Variants in ATP8A2 observed in about 807,000 individuals in gnomAD.
ATP8A2 encodes the protein phospholipid-transporting ATPase IB.
ATP8A2 carries 100 observed loss-of-function variants against 165.6 expected under a neutral mutation model. That is an observed-to-expected ratio of 0.60 (90% CI 0.51 to 0.71). ATP8A2 has a LOEUF of 0.71. Among genes scored for constraint, ATP8A2 ranks in the 30% least tolerant of loss-of-function variants. The pLI is 0.00. For missense variants in ATP8A2, 1,227 were observed against 1,479.5 expected, an observed-to-expected ratio of 0.83 and a Z score of 2.80; for synonymous variants, 543 against 548.8, an observed-to-expected ratio of 0.99 and a Z score of 0.15.
intron 25 of ATP8A2, among the ~76,000 whole-genome samples, chr13:25,734,998 G>A (rs942177390): frequency 1.3e-5 from 2 of 152,142 alleles, no homozygotes; most frequent in Non-Finnish European, 2.9e-5. Context: ...AGGAACAAGC[G>A]ATAAGTTCTA....
intron 24 of ATP8A2, among the ~76,000 whole-genome samples, chr13:25,606,312 A>G (rs527713413): frequency 7.2e-5 from 11 of 152,184 alleles, no homozygotes; most frequent in Non-Finnish European, 1.0e-4. Context: ...TGTTGCTGAC[A>G]CTGCTTCTGT....
intron 24 of ATP8A2, among the ~76,000 whole-genome samples, chr13:25,686,467 G>C (rs2042604012): frequency 6.6e-6 from 1 of 152,106 alleles, no homozygotes; most frequent in Non-Finnish European, 1.5e-5. Context: ...CAGTATCAGG[G>C]AGGCAGTAGA....
intron 24 of ATP8A2, among the ~76,000 whole-genome samples, chr13:25,649,462 C>T (rs1373504370): frequency 6.6e-6 from 1 of 152,142 alleles, no homozygotes; most frequent in Non-Finnish European, 1.5e-5. Context: ...ATGGACAAGA[C>T]CAGATGCTAT....
intron 17 of ATP8A2, 59 bp downstream of exon 17, chr13:25,570,931 A>AGTTATTCTTGGAGGTGTTGCC (rs2039449889): frequency 1.6e-6 from 2 of 1,280,392 alleles, no homozygotes; most frequent in Admixed American, 3.8e-5. Flanking sequence ...TGGGTGTTGC[A>AGTTATTCTTGGAGGTGTTGCC]GTTATTCTTG....
intron 1 of ATP8A2, among the ~76,000 whole-genome samples, chr13:25,391,777 G>T (rs1456166860): frequency 6.6e-6 from 1 of 152,190 alleles, no homozygotes; most frequent in Non-Finnish European, 1.5e-5. Flanking sequence ...TACAGAGGCC[G>T]TACAGAAGGA....
intron 30 of ATP8A2, among the ~76,000 whole-genome samples, chr13:25,844,057 C>T (rs1951805434): frequency 6.6e-6 from 1 of 151,984 alleles, no homozygotes; most frequent in South Asian, 2.1e-4. Flanking sequence ...GGACCTGAGC[C>T]ACTGAGGCCA....
chr13:25,788,427 A>G (rs995823913), intron 27 of ATP8A2, among the ~76,000 whole-genome samples: 2 of 152,170 alleles, frequency 1.3e-5, no homozygotes, highest in Admixed American at 1.3e-4. Context: ...CTTCTGATGC[A>G]TGTCCTTCTG....
intron 1 of ATP8A2, among the ~76,000 whole-genome samples, chr13:25,407,295 T>C (rs2033832670): frequency 6.6e-6 from 1 of 152,216 alleles, no homozygotes; most frequent in Admixed American, 6.5e-5. Flanking sequence ...TTTCCCAGCC[T>C]GTACCCAGAA....
At chr13:25,572,692 T>C (rs2039502291) in intron 18 of ATP8A2, among the ~76,000 whole-genome samples, 1 of 152,116 alleles carries the variant, frequency 6.6e-6, no homozygotes, top group Non-Finnish European at 1.5e-5. Context: ...GTTGTCTGCA[T>C]TGATGATAAG....
At chr13:25,480,483 G>A (rs1488034661) in intron 2 of ATP8A2, among the ~76,000 whole-genome samples, 9 of 149,834 alleles carry the variant, frequency 6.0e-5, no homozygotes, top group South Asian at 4.3e-4. Context: ...AGACGGGGTC[G>A]CGGCCGGGCA....
intron 4 of ATP8A2, among the ~76,000 whole-genome samples, chr13:25,531,666 T>C (rs2038118549): frequency 6.6e-6 from 1 of 152,006 alleles, no homozygotes; most frequent in Non-Finnish European, 1.5e-5. Context: ...AACTTTTGCA[T>C]GCCGACATGA....
intron 25 of ATP8A2, among the ~76,000 whole-genome samples, chr13:25,728,454 G>A (rs1009886709): frequency 1.3e-5 from 2 of 152,188 alleles, no homozygotes; most frequent in Non-Finnish European, 2.9e-5. Context: ...CATGTCTGCT[G>A]TTTTAGCTAC....
At chr13:25,470,587 C>T (rs2137529594) in intron 2 of ATP8A2, among the ~76,000 whole-genome samples, 1 of 152,290 alleles carries the variant, frequency 6.6e-6, no homozygotes, top group Middle Eastern at 3.4e-3. Flanking sequence ...TACCATATGA[C>T]CTAGCCGTTC....
intron 22 of ATP8A2, among the ~76,000 whole-genome samples, 197 bp downstream of exon 22, chr13:25,580,144 C>T (rs12430590): frequency 0.012 from 1,823 of 152,244 alleles, 22 homozygotes; most frequent in Admixed American, 0.043. Context: ...CTCTAGCCAC[C>T]CTCAGCTAAA....
chr13:25,404,613 G>A (rs943325753), intron 1 of ATP8A2, among the ~76,000 whole-genome samples: 27 of 152,262 alleles, frequency 1.8e-4, no homozygotes, highest in African/African-American at 5.5e-4. Flanking sequence ...TGGAAAGGAG[G>A]GAGAAAGAGG....
At chr13:25,519,108 C>T (rs895234095) in intron 2 of ATP8A2, among the ~76,000 whole-genome samples, 16 of 152,306 alleles carry the variant, frequency 1.1e-4, no homozygotes, top group African/African-American at 3.1e-4. Context: ...GGTGGAGCAA[C>T]GGGAGCTCTC....
chr13:25,499,797 TATA>T (rs35588388), intron 2 of ATP8A2, among the ~76,000 whole-genome samples: 41,479 of 151,952 alleles, frequency 0.27, 6,754 homozygotes, highest in Middle Eastern at 0.4. Context: ...AACTTCAGAT[TATA>T]ATAAGGGCTG....
At chr13:25,767,750 A>G (rs947425136) in intron 25 of ATP8A2, among the ~76,000 whole-genome samples, 8 of 152,194 alleles carry the variant, frequency 5.3e-5, no homozygotes, top group African/African-American at 1.4e-4. Context: ...AAGTCCTTTC[A>G]TTATGTTTTT....
Position 25,869,068 on chromosome 13 carries a change from C to CAA in ATP8A2, c.3183+6684_3183+6685dup, listed in dbSNP as rs60945309. Among the ~76,000 whole-genome samples the CAA allele has an allele frequency of 5.1e-3, 370 of 71,984 alleles. 3 individuals carry two copies. The highest frequency in any genetic ancestry group is 8.9e-3 in the East Asian group (20 of 2,244). The allele number at this position is 71,984 out of a possible 152,430, so 47.2% of individuals were successfully genotyped here. A position where few individuals can be genotyped will look rare whatever the true frequency, so the allele number is the denominator to read the frequency against. On this transcript the variant is annotated intron_variant, in intron 33 of 36. Transcript: ENST00000381655. ...TGGGCGACACAGCGAGACTCCGTCT[C>CAA]AAAAAAAAAAAAAAAAAAAAAAAAA...
Sources: allele counts gnomAD v4.1 joint callset (sites outside exome capture counted in the v4.1 genomes callset), GRCh38; gene constraint gnomAD v4.1.1; transcripts MANE v1.5; gene names NCBI Gene and HGNC (gene_info 2026-07-23, HGNC 2026-07-21).